The following NMT1 variants were observed in gnomAD, a reference collection of about 807,000 sequenced individuals.
NMT1 encodes the protein glycylpeptide N-tetradecanoyltransferase 1.
NMT1 carries 12 observed loss-of-function variants against 63.4 expected under a neutral mutation model. That is an observed-to-expected ratio of 0.19 (90% CI 0.12 to 0.31). The LOEUF (loss-of-function observed/expected upper bound fraction) is 0.31, where lower values mean the gene tolerates loss of function less well. Among genes scored for constraint, NMT1 ranks in the 10% least tolerant of loss-of-function variants. The pLI is 1.00. For synonymous variants in NMT1, 228 were observed against 234.3 expected, an observed-to-expected ratio of 0.97 and a Z score of 0.25; for missense variants, 432 against 634.6, an observed-to-expected ratio of 0.68 and a Z score of 3.43.
intron 4 of NMT1, 45 bp from the exon 5 acceptor site, chr17:45,096,149 C>T: frequency 4.8e-6 from 7 of 1,469,500 alleles, no homozygotes; most frequent in Non-Finnish European, 6.7e-6. Context: ...AGTTGGTCTA[C>T]TACCTGGCAG....
intron 7 of NMT1, 118 bp downstream of exon 7, chr17:45,098,670 A>G: frequency 1.0e-6 from 1 of 966,824 alleles, no homozygotes; most frequent in Non-Finnish European, 1.6e-6. Context: ...CGTATCTGGT[A>G]AGGCGGGCAC....
Position 45,104,672 on chromosome 17 carries a change from G to C in NMT1, c.1333-187G>C. The C allele has an allele frequency of 7.0e-7, 1 of 1,426,822 alleles. No homozygotes were observed. Among genetic ancestry groups the C allele is most frequent in the Non-Finnish European group, 9.2e-7 (1 of 1,092,840 alleles). 88.4% of individuals were successfully genotyped at this position (1,426,822 alleles called of 1,614,324 possible). A position where few individuals can be genotyped will look rare whatever the true frequency, so the allele number is the denominator to read the frequency against. On this transcript the variant is annotated intron_variant, in intron 10 of 11. Coordinates refer to ENST00000258960, the MANE Select transcript of NMT1 (RefSeq NM_021079.5). The surrounding 1 kb of genome is among the most constrained non-coding windows in gnomAD (Gnocchi z 4.2). ...GACACTGGGCAGAGGCCAGGCTGGA[G>C]GGGGCGCTCAGAGTGTCCTGAGAAC...
Position 45,061,478 on chromosome 17 carries a change from G to T in NMT1, c.131+18G>T. The stretch of plus-strand genomic sequence containing the variant: ...AACCGGGGGTAACGAAATCCTCGGA[G>T]TCCAATTCCCGTCCAGCCTCCCACA... On this transcript the variant is annotated intron_variant, in intron 1 of 11. Coordinates refer to ENST00000258960, the MANE Select transcript of NMT1 (RefSeq NM_021079.5). The T allele has an allele frequency of 6.2e-7, 1 of 1,608,838 alleles. No homozygotes were observed. Among genetic ancestry groups the T allele is most frequent in the Non-Finnish European group, 8.5e-7 (1 of 1,177,430 alleles).
At chr17:45,102,856 C>T (rs1205504808) in intron 8 of NMT1, 95 bp from the exon 9 acceptor site, 1 of 1,220,326 alleles carries the variant, frequency 8.2e-7, no homozygotes, top group African/African-American at 1.5e-5. Context: ...GCCGAATGAC[C>T]AGGGATTCTC....
At position 45,099,350 on chromosome 17, in the gene NMT1, C is replaced by T. The variant is rs1480507591; in HGVS notation, c.885-55C>T. 7 of 1,259,876 alleles carry T rather than the reference C, an allele frequency of 5.6e-6. No individual in the cohort carries two copies. The East Asian group carries it at 1.6e-4, about 29-fold the overall frequency. 78.0% of individuals were successfully genotyped at this position (1,259,876 alleles called of 1,614,324 possible). On this transcript the variant is annotated intron_variant, in intron 7 of 11. Transcript: ENST00000258960. Reference sequence around the variant, plus strand: ...CCAGCTGGGGTCTCCCTGCCATTGTCCTTGTAATAGGGATTGGCCAGAACC... The same window carrying T: ...CCAGCTGGGGTCTCCCTGCCATTGTTCTTGTAATAGGGATTGGCCAGAACC...
At chr17:45,090,006 G>A (rs956488616) in intron 3 of NMT1, among the ~76,000 whole-genome samples, 14 of 152,090 alleles carry the variant, frequency 9.2e-5, no homozygotes, top group Non-Finnish European at 1.8e-4. Flanking sequence ...CTTAGGCCGG[G>A]TGTAGTGGCT....
At chr17:45,092,707 CAAAAA>C (rs11355949) in intron 3 of NMT1, among the ~76,000 whole-genome samples, 1 of 115,762 alleles carries the variant, frequency 8.6e-6, no homozygotes, top group Non-Finnish European at 1.8e-5. Flanking sequence ...GAGACTGTCT[CAAAAA>C]AAAAAAAAAG....
chr17:45,068,471 C>CA (rs980908348), intron 1 of NMT1, among the ~76,000 whole-genome samples: 4 of 152,056 alleles, frequency 2.6e-5, no homozygotes, highest in African/African-American at 4.8e-5. Context: ...GCCTCCATCT[C>CA]AAAAAAATAA....
intron 3 of NMT1, among the ~76,000 whole-genome samples, chr17:45,093,165 A>G (rs1401315543): frequency 6.6e-6 from 1 of 152,246 alleles, no homozygotes; most frequent in Non-Finnish European, 1.5e-5. Flanking sequence ...CTGAGTTGGC[A>G]GTAGCAGTTA....
chr17:45,086,642 C>T lies in NMT1; in HGVS notation c.375C>T (p.Val125=). 1 of 1,610,980 alleles carries T rather than the reference C, an allele frequency of 6.2e-7. No homozygotes were observed. Among genetic ancestry groups the T allele is most frequent in the Non-Finnish European group, 8.5e-7 (1 of 1,178,624 alleles). ...ACCAGTTCTGGGATACGCAGCCCGT[C>T]CCCAAGCTGGGTATGTACATGCTTG... ...RSYQFWDTQP[V]PKLGEVVNTH... The change falls in exon 3 of 12, where the codon GTC becomes GTT. Residue 125 remains valine (V), a synonymous_variant. Coordinates refer to ENST00000258960, the MANE Select transcript of NMT1 (RefSeq NM_021079.5).
intron 1 of NMT1, among the ~76,000 whole-genome samples, chr17:45,073,239 T>C (rs1478471880): frequency 6.6e-6 from 1 of 151,904 alleles, no homozygotes; most frequent in African/African-American, 2.4e-5. Flanking sequence ...GCCAACATGG[T>C]GAAACCCTGT....
At chr17:45,090,429 C>T (rs1423115684) in intron 3 of NMT1, among the ~76,000 whole-genome samples, 1 of 150,548 alleles carries the variant, frequency 6.6e-6, no homozygotes, top group Non-Finnish European at 1.5e-5. Context: ...ACCCCTTTCC[C>T]ACTCATGTCA....
At position 45,105,720 on chromosome 17, in the gene NMT1, T is replaced by G. The variant is rs2054198753; in HGVS notation, c.*81T>G. ...AACCCCACCACTGTTGGTCCAATTT[T>G]CACACACGTGAGAATCCCTGGCAAA... On this transcript the variant is annotated 3_prime_UTR_variant, in exon 12 of 12. Coordinates refer to ENST00000258960, the MANE Select transcript of NMT1 (RefSeq NM_021079.5). This position sits in a 1 kb window ranked among gnomAD's most constrained non-coding sequence, Gnocchi z 4.2. 8 of 1,401,814 alleles carry G rather than the reference T, an allele frequency of 5.7e-6. No individual in the cohort carries two copies. Among genetic ancestry groups the G allele is most frequent in the Non-Finnish European group, 8.0e-6 (8 of 995,506 alleles). The allele number at this position is 1,401,814 out of a possible 1,614,324, so 86.8% of individuals were successfully genotyped here.
At chr17:45,063,747 T>G (rs546749494) in intron 1 of NMT1, among the ~76,000 whole-genome samples, 1 of 151,820 alleles carries the variant, frequency 6.6e-6, no homozygotes. Flanking sequence ...AATACAAAAT[T>G]TAGCTGGGCA....
At chr17:45,061,514 CTG>C (rs2053857533) in intron 1 of NMT1, 54 bp downstream of exon 1, 24 of 1,559,264 alleles carry the variant, frequency 1.5e-5, no homozygotes, top group Non-Finnish European at 1.7e-5. Context: ...ACCTGGGTCT[CTG>C]GGGTGCGGGG....
intron 1 of NMT1, among the ~76,000 whole-genome samples, chr17:45,063,084 A>G (rs1219851732): frequency 2.0e-5 from 3 of 151,824 alleles, no homozygotes; most frequent in South Asian, 2.1e-4. Context: ...GGGCGCCTGT[A>G]GTCCCAACTA....
rs532331330 is a variant in NMT1 at position 45,105,260 on chromosome 17, C to T, written c.1470+264C>T. Reference sequence around the variant, plus strand: ...ATGAGGCCTTCCCACGTGAGGGAACCGTGGAAGTTGAGTTGCCCACGGTTT... The same window carrying T: ...ATGAGGCCTTCCCACGTGAGGGAACTGTGGAAGTTGAGTTGCCCACGGTTT... On this transcript the variant is annotated intron_variant, in intron 11 of 11. Transcript: ENST00000258960. The surrounding 1 kb of genome is among the most constrained non-coding windows in gnomAD (Gnocchi z 4.2). Among the ~76,000 whole-genome samples, 16 of 152,272 alleles carry T rather than the reference C, an allele frequency of 1.1e-4. No individual in the cohort carries two copies. Among genetic ancestry groups the T allele is most frequent in the Admixed American group, 9.2e-4 (14 of 15,292 alleles).
At chr17:45,065,623 CAAA>C (rs397944011) in intron 1 of NMT1, among the ~76,000 whole-genome samples, 4 of 81,734 alleles carry the variant, frequency 4.9e-5, no homozygotes, top group Non-Finnish European at 7.1e-5. Context: ...GACTCTGTCT[CAAA>C]AAAAAAAAAA....
intron 1 of NMT1, among the ~76,000 whole-genome samples, chr17:45,071,273 C>T (rs963722795): frequency 5.9e-5 from 9 of 152,188 alleles, no homozygotes; most frequent in Non-Finnish European, 8.8e-5. Context: ...TTCACTCTGT[C>T]ACCCAGATCG....
Sources: gnomAD v4.1 joint callset for allele counts (sites outside exome capture counted in the v4.1 genomes callset) on GRCh38, gnomAD v4.1.1 for gene constraint, Gnocchi (gnomAD v3.1) non-coding constraint, MANE v1.5 for transcripts, NCBI Gene and HGNC (gene_info 2026-07-23, HGNC 2026-07-21) for gene names.